Variants in NCALD observed in about 807,000 individuals in gnomAD.
NCALD encodes neurocalcin delta, also known as neurocalcin-delta.
In NCALD, 10 loss-of-function variants were observed where a neutral mutation model predicts 18.6. That is an observed-to-expected ratio of 0.54 (90% CI 0.33 to 0.91). NCALD has a LOEUF of 0.91. Among genes scored for constraint, NCALD ranks in the 40% least tolerant of loss-of-function variants. The probability of loss-of-function intolerance (pLI) is 0.03; values close to 1 mark genes in which losing one functional copy is unlikely to be tolerated. For missense variants in NCALD, 184 were observed against 247.6 expected (o/e 0.74, Z 1.72); for synonymous variants, 88 against 87.4 (o/e 1.01, Z -0.04).
At chr8:101,848,632 G>A (rs1022266767) in intron 4 of NCALD, among the ~76,000 whole-genome samples, 3 of 151,998 alleles carry the variant, frequency 2.0e-5, no homozygotes, top group African/African-American at 2.4e-5. Context: ...GATTGCTTTC[G>A]GCTCTTGAAA....
intron 1 of NCALD, among the ~76,000 whole-genome samples, chr8:101,788,051 G>GGA (rs1812299504): frequency 6.6e-6 from 1 of 152,140 alleles, no homozygotes; most frequent in African/African-American, 2.4e-5. Flanking sequence ...ATCTCAAGGA[G>GGA]GAAAATAAAA....
chr8:101,804,722 TATA>T (rs1249167675), intron 4 of NCALD, among the ~76,000 whole-genome samples: 18 of 146,538 alleles, frequency 1.2e-4, no homozygotes, highest in Admixed American at 2.1e-4. Context: ...TATAATAAAA[TATA>T]ATGCTTTTAA....
intron 1 of NCALD, among the ~76,000 whole-genome samples, chr8:101,772,089 A>G (rs79920626): frequency 0.03 from 4,568 of 152,316 alleles, 110 homozygotes; most frequent in African/African-American, 0.054. Context: ...ACTTGGGTCT[A>G]GCCTAAAGGC....
At chr8:101,734,494 C>T (rs887505503) in intron 1 of NCALD, among the ~76,000 whole-genome samples, 6 of 152,226 alleles carry the variant, frequency 3.9e-5, no homozygotes, top group South Asian at 2.1e-4. Flanking sequence ...TGGCACCTAA[C>T]GCCATTCCTG....
intron 4 of NCALD, among the ~76,000 whole-genome samples, chr8:101,811,630 C>T (rs905079702): frequency 3.9e-5 from 6 of 152,112 alleles, no homozygotes; most frequent in Admixed American, 6.6e-5. Context: ...GCACTTAAAA[C>T]GGTAATAGGG....
intron 1 of NCALD, among the ~76,000 whole-genome samples, chr8:101,783,565 C>T (rs1053707205): frequency 6.6e-6 from 1 of 152,130 alleles, no homozygotes; most frequent in Non-Finnish European, 1.5e-5. Context: ...CAGTTTCTAA[C>T]AATAGAAAAG....
At chr8:101,931,129 G>T (rs925742064) in intron 2 of NCALD, among the ~76,000 whole-genome samples, 1 of 152,108 alleles carries the variant, frequency 6.6e-6, no homozygotes, top group Non-Finnish European at 1.5e-5. Context: ...GGGCCTTGGG[G>T]TCACCAAGCC....
chr8:102,025,340 T>G (rs1338397053), intron 1 of NCALD, among the ~76,000 whole-genome samples: 1 of 152,232 alleles, frequency 6.6e-6, no homozygotes, highest in Non-Finnish European at 1.5e-5. Flanking sequence ...TTCTTTTCCT[T>G]CATTGCATTT....
exon 4 of NCALD, chr8:101,887,213 T>TTTAA (rs1221000006): frequency 6.6e-6 from 1 of 152,148 alleles, no homozygotes; most frequent in Admixed American, 6.5e-5. Context: ...CACCAGGAGA[T>TTTAA]CAGATGCCTT....
intron 2 of NCALD, among the ~76,000 whole-genome samples, chr8:101,916,836 C>T (rs1193801600): frequency 6.6e-6 from 1 of 151,952 alleles, no homozygotes; most frequent in African/African-American, 2.4e-5. Flanking sequence ...CACCCAACAT[C>T]AGAGCACCCA....
intron 2 of NCALD, among the ~76,000 whole-genome samples, chr8:101,969,936 T>C (rs181959609): frequency 4.7e-4 from 72 of 152,194 alleles, no homozygotes; most frequent in African/African-American, 1.5e-3. Context: ...TGTGTGTGTG[T>C]GCACACACAT....
At chr8:101,944,914 C>A (rs1345524254) in intron 2 of NCALD, among the ~76,000 whole-genome samples, 1 of 152,180 alleles carries the variant, frequency 6.6e-6, no homozygotes, top group African/African-American at 2.4e-5. Context: ...ATAATCCCTT[C>A]ATTAAATTAT....
chr8:101,823,746 G>A (rs1813817372), intron 4 of NCALD, among the ~76,000 whole-genome samples: 2 of 152,198 alleles, frequency 1.3e-5, no homozygotes, highest in Admixed American at 6.5e-5. Context: ...ATGTAGCAAA[G>A]CTTTAGGAGG....
chr8:102,005,263 G>C (rs376939386), intron 2 of NCALD, among the ~76,000 whole-genome samples: 8 of 152,120 alleles, frequency 5.3e-5, no homozygotes, highest in African/African-American at 1.2e-4. Context: ...GCAGCCAAAA[G>C]ACACATGAAA....
At chr8:101,926,988 G>C (rs1315283482) in intron 2 of NCALD, among the ~76,000 whole-genome samples, 1 of 152,098 alleles carries the variant, frequency 6.6e-6, no homozygotes, top group Non-Finnish European at 1.5e-5. Flanking sequence ...TGAAACAAGT[G>C]GCCCCAGAGT....
chr8:101,798,029 T>G (rs892142470), intron 4 of NCALD, among the ~76,000 whole-genome samples: 1 of 152,154 alleles, frequency 6.6e-6, no homozygotes, highest in African/African-American at 2.4e-5. Context: ...ATAAAAAGTA[T>G]CTACCAAAAG....
At position 101,896,091 on chromosome 8, in the gene NCALD, G is replaced by A. The variant is rs867301895; in HGVS notation, c.-106-8864C>T. On this transcript the variant is annotated intron_variant, in intron 3 of 6. Coordinates refer to the NCALD transcript ENST00000311028. ...AAGCCAAAAGAACAAAGCTGGAGGC[G>A]TCACACTACCTGACTTCAAACTATA... Among the ~76,000 whole-genome samples, 1,139 of 151,184 alleles carry A rather than the reference G, an allele frequency of 7.5e-3. 11 individuals are homozygous for A. The highest frequency in any genetic ancestry group is 0.024 in the Middle Eastern group (7 of 294).
intron 1 of NCALD, among the ~76,000 whole-genome samples, chr8:102,034,379 GC>G (rs1275351428): frequency 2.6e-5 from 4 of 152,168 alleles, no homozygotes; most frequent in African/African-American, 9.7e-5. Flanking sequence ...AGGGATAATT[GC>G]ATCAACAGAA....
chr8:101,851,821 G>GGTCT (rs1291834262), intron 4 of NCALD, among the ~76,000 whole-genome samples: 1 of 152,040 alleles, frequency 6.6e-6, no homozygotes, highest in African/African-American at 2.4e-5. Flanking sequence ...ACGGTACTAT[G>GGTCT]GTCTCAATAT....
Sources: gnomAD v4.1 joint callset for allele counts (sites outside exome capture counted in the v4.1 genomes callset) on GRCh38, gnomAD v4.1.1 for gene constraint, MANE v1.5 for transcripts, NCBI Gene and HGNC (gene_info 2026-07-23, HGNC 2026-07-21) for gene names.